The following KAT6A variants were observed in gnomAD, a reference collection of about 807,000 sequenced individuals.
KAT6A encodes histone acetyltransferase KAT6A.
In KAT6A, 9 loss-of-function variants were observed where a neutral mutation model predicts 198.4. The observed-to-expected ratio is 0.05, with a 90% CI of 0.03 to 0.08. KAT6A has a LOEUF of 0.08. Among genes scored for constraint, KAT6A ranks in the 10% least tolerant of loss-of-function variants. KAT6A has a pLI of 1.00. For synonymous variants in KAT6A, 890 were observed against 883.0 expected (o/e 1.01, Z -0.14); for missense variants, 2,077 against 2,509.9 (o/e 0.83, Z 3.69).
At chr8:42,012,288 A>G (rs745526033) in intron 2 of KAT6A, among the ~76,000 whole-genome samples, 14 of 152,224 alleles carry the variant, frequency 9.2e-5, no homozygotes, top group Non-Finnish European at 1.9e-4. Context: ...AGAGTAGTAG[A>G]CTGAAATCCC....
At chr8:41,973,295 G>A (rs1318781204) in intron 8 of KAT6A, among the ~76,000 whole-genome samples, 2 of 150,896 alleles carry the variant, frequency 1.3e-5, no homozygotes, top group East Asian at 1.9e-4. Context: ...GCACGATCTC[G>A]GCTCACTGCA....
intron 2 of KAT6A, among the ~76,000 whole-genome samples, chr8:41,998,852 A>C (rs1297476816): frequency 6.6e-6 from 1 of 150,600 alleles, no homozygotes; most frequent in Non-Finnish European, 1.5e-5. Context: ...ATAATAATTA[A>C]AAAAAAAATG....
intron 15 of KAT6A, 37 bp from the exon 16 acceptor site, chr8:41,937,605 A>G (rs998733276): frequency 6.8e-7 from 1 of 1,469,846 alleles, no homozygotes; most frequent in South Asian, 1.3e-5. Flanking sequence ...ACAGTTATGA[A>G]CACTATCTTT....
Position 42,049,071 on chromosome 8 carries a change from G to A in KAT6A, c.-94C>T. 7.4e-7 allele frequency: 1 copy of A among 1,353,960 alleles called. No homozygotes were observed. Among genetic ancestry groups the A allele is most frequent in the South Asian group, 1.4e-5 (1 of 71,112 alleles). 83.9% of individuals were successfully genotyped at this position (1,353,960 alleles called of 1,614,324 possible). On this transcript the variant is annotated 5_prime_UTR_variant, in exon 2 of 17. Coordinates refer to ENST00000265713, the MANE Select transcript of KAT6A (RefSeq NM_006766.5). ...GGAAAACAAGATTCTCGGAGGCTGGGAACCAGTTAACCATAGCATATGAGT... is the reference window on the plus strand; with the variant it reads ...GGAAAACAAGATTCTCGGAGGCTGGAAACCAGTTAACCATAGCATATGAGT...
chr8:42,031,038 A>AAGGGG lies in KAT6A; in HGVS notation c.600+17339_600+17340insCCCCT, dbSNP rs35595569. On this transcript the variant is annotated intron_variant, in intron 2 of 16. Transcript: ENST00000265713. ...ATGCTGCCAAATGCAAAAAAAAAAA[A>AAGGGG]GGGGGGGGGGACAGGAGAAATGTAT... 6.4e-4 allele frequency among the ~76,000 whole-genome samples: 72 copies of AAGGGG among 113,368 alleles called. 2 individuals are homozygous for AAGGGG. Among genetic ancestry groups the AAGGGG allele is most frequent in the African/African-American group, 2.5e-3 (71 of 27,954 alleles). The allele number at this position is 113,368 out of a possible 152,430, so 74.4% of individuals were successfully genotyped here. A position where few individuals can be genotyped will look rare whatever the true frequency, so the allele number is the denominator to read the frequency against.
At chr8:42,045,056 G>C (rs757255733) in intron 2 of KAT6A, among the ~76,000 whole-genome samples, 7 of 152,154 alleles carry the variant, frequency 4.6e-5, no homozygotes, top group Admixed American at 3.3e-4. Flanking sequence ...ACTGTATTAC[G>C]ATTTTTAATG....
In KAT6A at chr8:41,955,382, T is replaced by C. The variant is rs200828764; in HGVS notation, c.1512A>G (p.Pro504=). ...QKVGVTGPPD[P]QVRCPSVIEF... ...CAATGACAGAGGGACAGCGGACTTG[T>C]GGATCAGGGGGACCAGTCACTCCAA... Residue 504 remains proline (P), a synonymous_variant, in exon 9 of 17, where the codon CCA becomes CCG. Transcript: ENST00000265713. The C allele has an allele frequency of 4.2e-5, 68 of 1,612,706 alleles. No individual in the cohort carries two copies. The highest frequency in any genetic ancestry group is 5.3e-5 in the Non-Finnish European group (62 of 1,179,380).
At chr8:42,027,963 G>T (rs535019759) in intron 2 of KAT6A, among the ~76,000 whole-genome samples, 2 of 152,134 alleles carry the variant, frequency 1.3e-5, no homozygotes, top group African/African-American at 4.8e-5. Context: ...CCCATTTGTT[G>T]TAAGAAATTT....
rs754655094 is a variant in KAT6A, at chr8:41,937,405, T to C, written c.3203A>G (p.Asp1068Gly). Residue 1068 changes from aspartate to glycine, a missense_variant, in exon 16 of 17, where the codon GAT becomes GGT. Physicochemically the swap from Asp to Gly is moderately conservative, Grantham distance 94. Coordinates refer to ENST00000265713, the MANE Select transcript of KAT6A (RefSeq NM_006766.5). ...TTCATCCTCTTCCTCCTCTTCTTCA[T>C]CGATCTCAAACGTGGGTTCTAATCT... ...MPRLEPTFEI[D>G]EEEEEEDENE... is the part of the protein sequence containing the mutation. 1.2e-6 allele frequency: 2 copies of C among 1,614,176 alleles called. No individual in the cohort carries two copies. Among genetic ancestry groups the C allele is most frequent in the South Asian group, 1.1e-5 (1 of 91,076 alleles).
At chr8:41,988,676 G>A (rs952450728) in intron 2 of KAT6A, among the ~76,000 whole-genome samples, 1 of 152,362 alleles carries the variant, frequency 6.6e-6, no homozygotes, top group Middle Eastern at 3.4e-3. Flanking sequence ...AGTTTTGAGA[G>A]TAGCAGAAAA....
At position 41,933,125 on chromosome 8, in the gene KAT6A, G is replaced by T; in HGVS notation, c.5095C>A (p.Gln1699Lys). The change falls in exon 17 of 17, where the codon CAG becomes AAG. Residue 1699 changes from glutamine to lysine, a missense_variant. Transcript: ENST00000265713. The surrounding 1 kb of genome is among the most constrained non-coding windows in gnomAD (Gnocchi z 6.2). ...ATACTACACTGTGACAGCGGGGGCT[G>T]CTGCTGGGGAGGGGGTGGGGGTGGA... is the stretch of plus-strand genomic sequence containing the variant. ...QPPPPPPPQQQPPLSQCSMNN... is the reference protein window; with the variant it reads ...QPPPPPPPQQKPPLSQCSMNN... The T allele has an allele frequency of 6.2e-7, 1 of 1,606,060 alleles. No individual in the cohort carries two copies.
At chr8:41,979,865 G>A (rs1042151759) in intron 5 of KAT6A, among the ~76,000 whole-genome samples, 8 of 152,144 alleles carry the variant, frequency 5.3e-5, no homozygotes, top group Admixed American at 2.6e-4. Flanking sequence ...GCCAGGTGTC[G>A]TGGTACGCCT....
chr8:42,017,324 CA>C (rs1337448507), intron 2 of KAT6A, among the ~76,000 whole-genome samples: 7 of 152,036 alleles, frequency 4.6e-5, no homozygotes, highest in Non-Finnish European at 8.8e-5. Flanking sequence ...GAAAAATAAA[CA>C]AAAAAGCAGC....
intron 3 of KAT6A, among the ~76,000 whole-genome samples, chr8:41,986,087 C>T (rs1412460375): frequency 2.0e-5 from 3 of 152,128 alleles, no homozygotes; most frequent in Non-Finnish European, 4.4e-5. Context: ...ACTACAGGTG[C>T]GAACCACCAC....
At chr8:42,036,911 G>T (rs1827405996) in intron 2 of KAT6A, among the ~76,000 whole-genome samples, 1 of 152,128 alleles carries the variant, frequency 6.6e-6, no homozygotes, top group African/African-American at 2.4e-5. Context: ...TCCAAAGTGT[G>T]TTCATGAGGG....
chr8:41,932,223 T>A lies in KAT6A; in HGVS notation c.5997A>T (p.Gly1999=). 3 of 1,604,092 alleles carry A rather than the reference T, an allele frequency of 1.9e-6. No homozygotes were observed. Among genetic ancestry groups the A allele is most frequent in the South Asian group, 1.1e-5 (1 of 89,644 alleles). The part of the protein sequence containing the change: ...AAGVPKQSLN[G]PYMRR ...ATCTTGCTCATCTTCTCATGTAAGG[T>A]CCGTTGAGTGACTGCTTGGGCACGC... Residue 1999 remains glycine (G), a synonymous_variant, in exon 17 of 17, where the codon GGA becomes GGT. Coordinates refer to ENST00000265713, the MANE Select transcript of KAT6A (RefSeq NM_006766.5).
intron 2 of KAT6A, among the ~76,000 whole-genome samples, chr8:41,997,257 T>C (rs1215177222): frequency 6.6e-6 from 1 of 152,156 alleles, no homozygotes; most frequent in Non-Finnish European, 1.5e-5. Context: ...ATCAGATGAT[T>C]TAAGTAATAG....
Position 42,014,962 on chromosome 8 carries a change from C to T in KAT6A, c.601-27399G>A, listed in dbSNP as rs184889532. Among the ~76,000 whole-genome samples the T allele has an allele frequency of 3.3e-3, 503 of 152,278 alleles. 2 individuals carry two copies. The highest frequency in any genetic ancestry group is 0.011 in the African/African-American group (474 of 41,548). On this transcript the variant is annotated intron_variant, in intron 2 of 16. Coordinates refer to ENST00000265713, the MANE Select transcript of KAT6A (RefSeq NM_006766.5). Reference sequence around the variant, plus strand: ...GAAAGGATAGATTATGGGTTCAGTTCTCTAAGGAGCTGAGAAATCACTGTC... The same window carrying T: ...GAAAGGATAGATTATGGGTTCAGTTTTCTAAGGAGCTGAGAAATCACTGTC...
intron 2 of KAT6A, among the ~76,000 whole-genome samples, chr8:42,000,697 G>A (rs1021647332): frequency 3.3e-5 from 5 of 152,166 alleles, no homozygotes; most frequent in Admixed American, 6.5e-5. Flanking sequence ...GAACAAATCG[G>A]CATATAGCAT....
Sources: allele counts gnomAD v4.1 joint callset (sites outside exome capture counted in the v4.1 genomes callset), GRCh38; gene constraint gnomAD v4.1.1; non-coding constraint Gnocchi (gnomAD v3.1); transcripts MANE v1.5; gene names NCBI Gene and HGNC (gene_info 2026-07-23, HGNC 2026-07-21).